DLC1: variants seen among roughly 807,000 people sequenced by gnomAD.
The protein encoded by DLC1 is DLC1 Rho GTPase activating protein, also known as rho GTPase-activating protein 7.
A neutral mutation model predicts 140.3 loss-of-function variants in DLC1; 54 were observed. That is an observed-to-expected ratio of 0.38 (90% confidence interval 0.31 to 0.48). The LOEUF (loss-of-function observed/expected upper bound fraction) is 0.48, where lower values mean the gene tolerates loss of function less well. Ranked by LOEUF, DLC1 falls within the 20% of genes least tolerant of loss-of-function variation. The probability of loss-of-function intolerance (pLI) is 0.96; values close to 1 mark genes in which losing one functional copy is unlikely to be tolerated. For missense variants in DLC1, 2,536 were observed against 1,907.0 expected, an observed-to-expected ratio of 1.33 and a Z score of -6.14; for synonymous variants, 986 against 728.1, an observed-to-expected ratio of 1.35 and a Z score of -5.70.
chr8:13,429,085 A>C (rs1838741828), intron 2 of DLC1, among the ~76,000 whole-genome samples: 1 of 152,254 alleles, frequency 6.6e-6, no homozygotes, highest in Non-Finnish European at 1.5e-5. Flanking sequence ...TGAACAAAAC[A>C]TGACCTAGAA....
intron 5 of DLC1, among the ~76,000 whole-genome samples, chr8:13,158,283 T>G (rs973703698): frequency 4.6e-5 from 7 of 152,302 alleles, no homozygotes; most frequent in East Asian, 1.9e-4. Context: ...TCAGTGAAAC[T>G]TGTTCATCTT....
rs1563160592 is a variant in DLC1 at position 13,201,920 on chromosome 8, G to GCT, written c.1349-86264_1349-86263insAG. On this transcript the variant is annotated intron_variant, in intron 5 of 17. Transcript: ENST00000276297. The stretch of plus-strand genomic sequence containing the variant: ...CAGGTACTAAGTCTAGTACCCAAAA[G>GCT]GTTTTTTTTTTTTTTTTTTTTTTGG... Among the ~76,000 whole-genome samples the GCT allele has an allele frequency of 6.6e-4, 88 of 132,394 alleles. 1 individual carries two copies. Among genetic ancestry groups the GCT allele is most frequent in the African/African-American group, 2.5e-3 (82 of 32,390 alleles). The allele number at this position is 132,394 out of a possible 152,430, so 86.9% of individuals were successfully genotyped here.
At chr8:13,449,598 C>T (rs551455217) in intron 2 of DLC1, among the ~76,000 whole-genome samples, 1 of 149,980 alleles carries the variant, frequency 6.7e-6, no homozygotes, top group Admixed American at 6.7e-5. Context: ...CATGTTCTCA[C>T]TCATAGGTGG....
chr8:13,254,260 T>C (rs1432494871), intron 5 of DLC1, among the ~76,000 whole-genome samples: 1 of 148,436 alleles, frequency 6.7e-6, no homozygotes, highest in Non-Finnish European at 1.5e-5. Flanking sequence ...ACTATAAAAA[T>C]GAGAAGTAAC....
chr8:13,520,006 C>T (rs1802714256), intron 1 of DLC1, among the ~76,000 whole-genome samples: 1 of 152,178 alleles, frequency 6.6e-6, no homozygotes, highest in Non-Finnish European at 1.5e-5. Context: ...GAAATAGGAA[C>T]ACTTTTACAC....
intron 1 of DLC1, among the ~76,000 whole-genome samples, chr8:13,537,294 C>A (rs1432691088): frequency 1.3e-5 from 2 of 152,086 alleles, no homozygotes; most frequent in Admixed American, 1.3e-4. Context: ...CCATTCAGGC[C>A]CTCCACAATA....
intron 2 of DLC1, among the ~76,000 whole-genome samples, chr8:13,473,543 C>T (rs947650187): frequency 5.9e-5 from 9 of 152,090 alleles, no homozygotes; most frequent in East Asian, 1.9e-4. Context: ...AACTGGGTAA[C>T]GGGCAGGGGT....
intron 5 of DLC1, among the ~76,000 whole-genome samples, chr8:13,153,332 A>G (rs985390839): frequency 5.9e-5 from 9 of 152,170 alleles, no homozygotes; most frequent in Admixed American, 5.2e-4. Context: ...AGAGCTCTCC[A>G]TTCCTCTCCG....
chr8:13,430,133 C>T (rs924092279), intron 2 of DLC1, among the ~76,000 whole-genome samples: 1 of 152,034 alleles, frequency 6.6e-6, no homozygotes, highest in African/African-American at 2.4e-5. Flanking sequence ...TAAGTTAGTC[C>T]AAAGGAAAGC....
At chr8:13,577,046 G>A (rs897822719) in intron 1 of DLC1, among the ~76,000 whole-genome samples, 3 of 152,146 alleles carry the variant, frequency 2.0e-5, no homozygotes, top group Admixed American at 2.0e-4. Context: ...GGGCTTAGGG[G>A]CCTTCACAGG....
At chr8:13,391,863 C>A (rs999907317) in intron 4 of DLC1, among the ~76,000 whole-genome samples, 1 of 149,426 alleles carries the variant, frequency 6.7e-6, no homozygotes, top group Non-Finnish European at 1.5e-5. Flanking sequence ...ATAATAAATA[C>A]CTTTAAAAAG....
At chr8:13,430,480 A>G (rs546102937) in intron 2 of DLC1, among the ~76,000 whole-genome samples, 11 of 152,344 alleles carry the variant, frequency 7.2e-5, no homozygotes, top group African/African-American at 2.6e-4. Context: ...TACATATTAG[A>G]GTCCAAGAAG....
intron 4 of DLC1, among the ~76,000 whole-genome samples, chr8:13,381,334 C>CA (rs1428219591): frequency 6.6e-6 from 1 of 152,006 alleles, no homozygotes; most frequent in African/African-American, 2.4e-5. Flanking sequence ...AACTGACCTG[C>CA]AAAAAAGGAG....
chr8:13,264,789 A>G (rs1830616959), intron 5 of DLC1, among the ~76,000 whole-genome samples: 1 of 152,226 alleles, frequency 6.6e-6, no homozygotes, highest in Non-Finnish European at 1.5e-5. Context: ...TTGGGAAGCA[A>G]AGATAACAAT....
Position 13,373,131 on chromosome 8 carries a change from T to C in DLC1, c.1314+20422A>G, listed in dbSNP as rs540179199. Among the ~76,000 whole-genome samples, 93 of 152,300 alleles carry C rather than the reference T, an allele frequency of 6.1e-4. 3 individuals carry two copies. In the South Asian group the frequency reaches 0.019, roughly 31 times the overall value. The stretch of plus-strand genomic sequence containing the variant: ...CCTAAGCTCAAGCATTCCTCCGGCC[T>C]AGATGTCCCAAAGTGCAGGGATTAC... On this transcript the variant is annotated intron_variant, in intron 4 of 17. Coordinates refer to ENST00000276297, the MANE Select transcript of DLC1 (RefSeq NM_182643.3).
intron 2 of DLC1, among the ~76,000 whole-genome samples, chr8:13,404,071 C>G (rs1837420034): frequency 6.6e-6 from 1 of 151,894 alleles, no homozygotes; most frequent in African/African-American, 2.4e-5. Context: ...ATGCTGAAGT[C>G]TAAATTGAAC....
chr8:13,338,472 A>T (rs186609892), intron 4 of DLC1: 22 of 152,306 alleles, frequency 1.4e-4, no homozygotes, highest in Admixed American at 4.6e-4. Flanking sequence ...ACAAAAAGAG[A>T]AACTCTCCTT....
intron 2 of DLC1, among the ~76,000 whole-genome samples, chr8:13,431,482 CAAAA>C (rs56057254): frequency 2.0e-4 from 8 of 40,602 alleles, no homozygotes; most frequent in African/African-American, 9.2e-4. Flanking sequence ...GACTCCGTCT[CAAAA>C]AAAAAAAAAA....
intron 1 of DLC1, among the ~76,000 whole-genome samples, chr8:13,555,272 T>G (rs1282430079): frequency 6.6e-6 from 1 of 152,186 alleles, no homozygotes; most frequent in Non-Finnish European, 1.5e-5. Flanking sequence ...CTCACTGTGC[T>G]TGTTATCTGC....
Sources: allele counts gnomAD v4.1 joint callset (sites outside exome capture counted in the v4.1 genomes callset), GRCh38; gene constraint gnomAD v4.1.1; transcripts MANE v1.5; gene names NCBI Gene and HGNC (gene_info 2026-07-23, HGNC 2026-07-21).